Variants in THSD7A observed in about 807,000 individuals in gnomAD.
THSD7A encodes thrombospondin type 1 domain containing 7A, also known as thrombospondin type-1 domain-containing protein 7A.
In THSD7A, 96 loss-of-function variants were observed where a neutral mutation model predicts 231.3. The observed-to-expected ratio is 0.41, with a 90% CI of 0.35 to 0.49. THSD7A has a LOEUF of 0.49. Among genes scored for constraint, THSD7A ranks in the 20% least tolerant of loss-of-function variants. The pLI is 0.05. For missense variants in THSD7A, 2,290 were observed against 2,070.2 expected (o/e 1.11, Z -2.06); for synonymous variants, 940 against 743.3 (o/e 1.26, Z -4.30).
Position 11,429,014 on chromosome 7 carries a change from G to T in THSD7A, c.3176C>A (p.Ser1059Tyr), listed in dbSNP as rs563794450. The change falls in exon 14 of 28, where the codon TCT (serine) becomes TAT (tyrosine). Residue 1059 changes from serine (S) to tyrosine (Y), a missense_variant. Transcript: ENST00000423059. The part of the protein sequence containing the change: ...KSCGSGVKVR[S>Y]KWLREKPYNG... ...ATATGGTTTTTCACGCAGCCATTTA[G>T]AACGAACCTTCACACCACTCCCACA... 1 of 1,613,252 alleles carries T rather than the reference G, an allele frequency of 6.2e-7. No homozygotes were observed. The highest frequency in any genetic ancestry group is 8.5e-7 in the Non-Finnish European group (1 of 1,179,548).
chr7:11,411,431 C>A lies in THSD7A; in HGVS notation c.3683-109G>T. On this transcript the variant is annotated intron_variant, in intron 18 of 27. Transcript: ENST00000423059. The surrounding 1 kb of genome is among the most constrained non-coding windows in gnomAD (Gnocchi z 4.1). ...TTTAATTCACAACTGCTTCCTAAGCCCCATAATCAATCATCCCCCATGCAG... is the reference window on the plus strand; with the variant it reads ...TTTAATTCACAACTGCTTCCTAAGCACCATAATCAATCATCCCCCATGCAG... 3 of 716,614 alleles carry A rather than the reference C, an allele frequency of 4.2e-6. No homozygotes were observed. Among genetic ancestry groups the A allele is most frequent in the South Asian group, 3.7e-5 (2 of 54,552 alleles). The allele number at this position is 716,614 out of a possible 1,614,324, so 44.4% of individuals were successfully genotyped here.
intron 1 of THSD7A, among the ~76,000 whole-genome samples, chr7:11,793,958 TA>T (rs959647219): frequency 9.9e-5 from 15 of 151,874 alleles, no homozygotes; most frequent in African/African-American, 3.4e-4. Flanking sequence ...TCAAATGATC[TA>T]AAGTTTTGGA....
intron 4 of THSD7A, among the ~76,000 whole-genome samples, chr7:11,583,529 G>A (rs915565557): frequency 3.3e-5 from 5 of 152,100 alleles, no homozygotes; most frequent in Non-Finnish European, 7.4e-5. Context: ...ACCCGCCTCA[G>A]CCTCACAAAG....
At chr7:11,418,894 AT>A (rs778227835) in intron 16 of THSD7A, among the ~76,000 whole-genome samples, 5 of 152,142 alleles carry the variant, frequency 3.3e-5, no homozygotes, top group African/African-American at 1.2e-4. Context: ...TATTGATATG[AT>A]TTCCTTGTTG....
At chr7:11,629,279 G>T (rs1159875054) in intron 2 of THSD7A, among the ~76,000 whole-genome samples, 1 of 152,114 alleles carries the variant, frequency 6.6e-6, no homozygotes, top group East Asian at 1.9e-4. Flanking sequence ...ATAATATACT[G>T]CCTGGTCAGC....
At chr7:11,724,235 A>G (rs1781468318) in intron 1 of THSD7A, among the ~76,000 whole-genome samples, 1 of 151,972 alleles carries the variant, frequency 6.6e-6, no homozygotes, top group Non-Finnish European at 1.5e-5. Flanking sequence ...CATGAGTCAG[A>G]AAGTTAGATT....
intron 1 of THSD7A, among the ~76,000 whole-genome samples, chr7:11,783,108 T>C (rs1783684478): frequency 6.6e-6 from 1 of 152,222 alleles, no homozygotes; most frequent in East Asian, 1.9e-4. Context: ...CCATCAGCAA[T>C]AACATTGATA....
intron 11 of THSD7A, among the ~76,000 whole-genome samples, chr7:11,447,760 A>G (rs1299059084): frequency 1.3e-5 from 2 of 152,168 alleles, no homozygotes; most frequent in Non-Finnish European, 2.9e-5. Context: ...AATGTAAGAC[A>G]AACCATACGT....
At chr7:11,750,628 G>A (rs963880794) in intron 1 of THSD7A, among the ~76,000 whole-genome samples, 3 of 151,928 alleles carry the variant, frequency 2.0e-5, no homozygotes, top group Non-Finnish European at 2.9e-5. Context: ...GGCCCCTGAC[G>A]TGGCGCAGGT....
At chr7:11,512,412 T>A (rs1787850831) in intron 6 of THSD7A, among the ~76,000 whole-genome samples, 1 of 152,152 alleles carries the variant, frequency 6.6e-6, no homozygotes, top group Non-Finnish European at 1.5e-5. Context: ...AAATACCATT[T>A]GACCCAGCCA....
chr7:11,465,663 A>T (rs571191883), intron 9 of THSD7A, among the ~76,000 whole-genome samples: 1 of 152,184 alleles, frequency 6.6e-6, no homozygotes, highest in Admixed American at 6.5e-5. Context: ...CCAAGAAGCA[A>T]AATGTAAAGG....
intron 17 of THSD7A, among the ~76,000 whole-genome samples, chr7:11,414,770 G>A (rs751510059): frequency 1.2e-4 from 18 of 152,260 alleles, no homozygotes; most frequent in East Asian, 1.9e-4. Flanking sequence ...CCCTGCTTCC[G>A]TTGCACTTTG....
At chr7:11,807,159 CTG>C (rs1784419813) in intron 1 of THSD7A, among the ~76,000 whole-genome samples, 1 of 152,066 alleles carries the variant, frequency 6.6e-6, no homozygotes, top group South Asian at 2.1e-4. Flanking sequence ...TGTGTAGAAT[CTG>C]TGTATTCCTT....
At chr7:11,545,373 T>C in intron 4 of THSD7A, among the ~76,000 whole-genome samples, 1 of 152,144 alleles carries the variant, frequency 6.6e-6, no homozygotes, top group East Asian at 1.9e-4. Flanking sequence ...GAATTTATTT[T>C]ATATATAAAG....
intron 1 of THSD7A, among the ~76,000 whole-genome samples, chr7:11,720,348 A>G (rs1781306860): frequency 6.6e-6 from 1 of 151,768 alleles, no homozygotes; most frequent in Non-Finnish European, 1.5e-5. Context: ...CCTACTTTCT[A>G]CAATGTACAT....
intron 9 of THSD7A, among the ~76,000 whole-genome samples, chr7:11,468,270 T>G (rs1055411515): frequency 1.3e-5 from 2 of 152,080 alleles, no homozygotes; most frequent in Admixed American, 6.6e-5. Context: ...TAATTAATGC[T>G]TTTTAATTGA....
At chr7:11,501,987 A>G (rs187010292) in intron 6 of THSD7A, among the ~76,000 whole-genome samples, 20 of 152,286 alleles carry the variant, frequency 1.3e-4, no homozygotes, top group African/African-American at 4.6e-4. Context: ...ACCATCAGAA[A>G]TGACTGCAAA....
intron 6 of THSD7A, among the ~76,000 whole-genome samples, chr7:11,519,298 C>G (rs1465977832): frequency 6.6e-6 from 1 of 151,920 alleles, no homozygotes. Flanking sequence ...TCTCTTCTTC[C>G]TACAGGCAAC....
Position 11,753,544 on chromosome 7 carries a change from T to TTCTCTC in THSD7A, c.190+78207_190+78212dup, listed in dbSNP as rs35547018. Among the ~76,000 whole-genome samples the TTCTCTC allele has an allele frequency of 8.4e-3, 1,194 of 141,812 alleles. 15 individuals carry two copies. Among genetic ancestry groups the TTCTCTC allele is most frequent in the Admixed American group, 0.037 (512 of 13,942 alleles). The allele number at this position is 141,812 out of a possible 152,430, so 93.0% of individuals were successfully genotyped here. ...CAACACTGCTTATATATGCAGCCCTTTCTCTCTCTCTCTCTCTCTCTCTCT... is the reference window on the plus strand; with the variant it reads ...CAACACTGCTTATATATGCAGCCCTTTCTCTCTCTCTCTCTCTCTCTCTCTCTCTCT... On this transcript the variant is annotated intron_variant, in intron 1 of 27. Transcript: ENST00000423059.
Sources: allele counts gnomAD v4.1 joint callset (sites outside exome capture counted in the v4.1 genomes callset), GRCh38; gene constraint gnomAD v4.1.1; non-coding constraint Gnocchi (gnomAD v3.1); transcripts MANE v1.5; gene names NCBI Gene and HGNC (gene_info 2026-07-23, HGNC 2026-07-21).